The following ARHGEF4 variants were observed in gnomAD, a reference collection of about 807,000 sequenced individuals.
ARHGEF4 encodes the protein Rho guanine nucleotide exchange factor 4.
ARHGEF4 carries 119 observed loss-of-function variants against 162.0 expected under a neutral mutation model. The ratio of observed to expected loss-of-function variants is 0.73; its 90% confidence interval spans 0.63 to 0.86. The LOEUF (loss-of-function observed/expected upper bound fraction) is 0.86. ARHGEF4 is among the 40% of genes least tolerant of loss of function. ARHGEF4 has a pLI of 0.00. For synonymous variants in ARHGEF4, 1,014 were observed against 979.9 expected (o/e 1.03, Z -0.65); for missense variants, 2,488 against 2,456.0 (o/e 1.01, Z -0.28).
chr2:130,976,382 C>T (rs1685717510), intron 4 of ARHGEF4, among the ~76,000 whole-genome samples: 1 of 148,786 alleles, frequency 6.7e-6, no homozygotes, highest in South Asian at 2.1e-4. Context: ...CACATCTGTA[C>T]AACTAGTTTC....
chr2:130,846,146 C>T (rs1680948758), intron 1 of ARHGEF4, among the ~76,000 whole-genome samples: 1 of 152,248 alleles, frequency 6.6e-6, no homozygotes, highest in African/African-American at 2.4e-5. Context: ...AGAGCTCAAA[C>T]AAGCCCCTTG....
chr2:131,040,149 G>A lies in ARHGEF4; in HGVS notation c.4439G>A (p.Ser1480Asn). The A allele has an allele frequency of 6.2e-7, 1 of 1,613,386 alleles. No homozygotes were observed. Among genetic ancestry groups the A allele is most frequent in the Non-Finnish European group, 8.5e-7 (1 of 1,179,770 alleles). ...ACCAACGTCATCAACGAGATCCTCA[G>A]CACTGAGCGGGACTACATCAAGCAC... ...MRTNVINEIL[S>N]TERDYIKHLR... The change falls in exon 7 of 14, where the codon AGC (serine) becomes AAC (asparagine). Residue 1480 changes from serine (S) to asparagine (N), a missense_variant. By Grantham distance (46) the Ser-to-Asn change is conservative (BLOSUM62 1). Transcript: ENST00000409359.
intron 4 of ARHGEF4, among the ~76,000 whole-genome samples, chr2:130,991,613 G>C (rs1162346219): frequency 6.6e-6 from 1 of 152,230 alleles, no homozygotes; most frequent in East Asian, 1.9e-4. Context: ...AGGGTGTACT[G>C]GGTTCCCCAG....
chr2:130,848,925 C>G (rs575662582), intron 1 of ARHGEF4, among the ~76,000 whole-genome samples: 13 of 152,222 alleles, frequency 8.5e-5, no homozygotes, highest in Non-Finnish European at 1.8e-4. Flanking sequence ...ATGGGAGCTG[C>G]GCCTTGGAGA....
chr2:130,924,425 C>G (rs1465811297), intron 2 of ARHGEF4, among the ~76,000 whole-genome samples: 1 of 151,750 alleles, frequency 6.6e-6, no homozygotes, highest in Non-Finnish European at 1.5e-5. Flanking sequence ...CGCCACCACA[C>G]CCAGCTAATT....
chr2:131,016,372 A>G (rs1688777247), intron 4 of ARHGEF4, among the ~76,000 whole-genome samples: 7 of 152,198 alleles, frequency 4.6e-5, no homozygotes. Context: ...CATTTGAGTG[A>G]ATTCAGAAAG....
intron 1 of ARHGEF4, among the ~76,000 whole-genome samples, chr2:130,877,945 T>A (rs1678958907): frequency 6.6e-6 from 1 of 152,132 alleles, no homozygotes; most frequent in South Asian, 2.1e-4. Context: ...GTTGAATAAA[T>A]TAAGGGGTGC....
intron 1 of ARHGEF4, among the ~76,000 whole-genome samples, chr2:130,887,017 A>G (rs982582487): frequency 2.0e-5 from 3 of 152,028 alleles, no homozygotes; most frequent in African/African-American, 7.3e-5. Context: ...CCAATGTCAC[A>G]CTATCTTGAT....
intron 3 of ARHGEF4, among the ~76,000 whole-genome samples, chr2:130,932,741 T>C (rs1682707763): frequency 6.6e-6 from 1 of 152,236 alleles, no homozygotes; most frequent in Non-Finnish European, 1.5e-5. Context: ...TGTTTTTTTC[T>C]AAGAGTTTTA....
At chr2:130,853,257 G>C (rs566103808) in intron 1 of ARHGEF4, among the ~76,000 whole-genome samples, 2 of 152,296 alleles carry the variant, frequency 1.3e-5, no homozygotes, top group African/African-American at 4.8e-5. Context: ...CCTGATGGTA[G>C]AAAATTCAGA....
At chr2:130,846,636 T>TG (rs1680984041) in intron 1 of ARHGEF4, among the ~76,000 whole-genome samples, 1 of 152,022 alleles carries the variant, frequency 6.6e-6, no homozygotes, top group Admixed American at 6.5e-5. Flanking sequence ...GGACTTTGCT[T>TG]GGATGGATGC....
At position 130,860,627 on chromosome 2, in the gene ARHGEF4, G is replaced by A. The variant is rs1356081379; in HGVS notation, c.39+23635G>A. On this transcript the variant is annotated intron_variant, in intron 1 of 13. Coordinates refer to ENST00000409359, the MANE Select transcript of ARHGEF4 (RefSeq NM_001367493.1). ...CGGGAGGCCGAGGCAGAAGAATGGT[G>A]TGAACCCGGGAGGCGAAGCTTGCGG... Among the ~76,000 whole-genome samples the A allele has an allele frequency of 1.9e-4, 23 of 118,616 alleles. 2 individuals carry two copies. Among genetic ancestry groups the A allele is most frequent in the South Asian group, 1.4e-3 (5 of 3,546 alleles). 77.8% of individuals were successfully genotyped at this position (118,616 alleles called of 152,430 possible).
At chr2:130,937,730 C>A (rs543877589) in intron 3 of ARHGEF4, among the ~76,000 whole-genome samples, 1 of 149,252 alleles carries the variant, frequency 6.7e-6, no homozygotes, top group Admixed American at 6.7e-5. Flanking sequence ...TGCAGTGGTG[C>A]GATCTCGGCT....
chr2:130,864,206 A>AAG (rs1389261570), intron 1 of ARHGEF4, among the ~76,000 whole-genome samples: 6 of 149,668 alleles, frequency 4.0e-5, no homozygotes, highest in African/African-American at 1.3e-4. Flanking sequence ...AGAAAGAAAA[A>AAG]AAAAAAAAGG....
rs1681573046 is a variant in ARHGEF4, at chr2:130,917,478, A to G, written c.3532A>G (p.Arg1178Gly). ...CGGCTTGGGCACAGTGCCCTGGCTC[A>G]GGGACCTTCCTGGGAGTGAGGTGAG... is the stretch of plus-strand genomic sequence containing the variant. ...PRGLGTVPWL[R>G]DLPGSENHMP... The change falls in exon 2 of 14, where the codon AGG (arginine) becomes GGG (glycine). Residue 1178 changes from arginine (R) to glycine (G), a missense_variant. By Grantham distance (125) the Arg-to-Gly change is moderately radical (BLOSUM62 -2). This residue lies in a region of ARHGEF4 where 1,642 missense variants were observed against 1,481.5 expected (regional missense o/e 1.11). Coordinates refer to ENST00000409359, the MANE Select transcript of ARHGEF4 (RefSeq NM_001367493.1). 2 of 1,549,934 alleles carry G rather than the reference A, an allele frequency of 1.3e-6. No individual in the cohort carries two copies. The highest frequency in any genetic ancestry group is 1.7e-6 in the Non-Finnish European group (2 of 1,146,736).
chr2:130,868,503 C>T (rs1415057916), intron 1 of ARHGEF4, among the ~76,000 whole-genome samples: 2 of 151,950 alleles, frequency 1.3e-5, no homozygotes, highest in Admixed American at 6.6e-5. Flanking sequence ...AGACCAGCTG[C>T]GGTCTGAGGC....
intron 1 of ARHGEF4, among the ~76,000 whole-genome samples, chr2:130,849,272 T>C (rs1681222401): frequency 6.6e-6 from 1 of 152,202 alleles, no homozygotes; most frequent in South Asian, 2.1e-4. Context: ...TTTTGTTGGG[T>C]GCATATTGTC....
intron 4 of ARHGEF4, among the ~76,000 whole-genome samples, chr2:130,991,351 TGAG>T (rs1048039695): frequency 2.6e-5 from 4 of 152,238 alleles, no homozygotes; most frequent in East Asian, 1.9e-4. Context: ...TGGCGGCACT[TGAG>T]GAGGCCTTCA....
At position 131,040,315 on chromosome 2, in the gene ARHGEF4, C is replaced by T. The variant is rs773666383; in HGVS notation, c.4537C>T (p.Arg1513Cys). 136 of 1,612,868 alleles carry T rather than the reference C, an allele frequency of 8.4e-5. 2 individuals are homozygous for T. The South Asian group carries it at 1.4e-3, about 17-fold the overall frequency. ...AGACATGTTCAGCGAGGAGCAGCTG[C>T]GTACCATCTTCGGGAACATCGAGGA... is the stretch of plus-strand genomic sequence containing the variant. ...RADMFSEEQL[R>C]TIFGNIEDIY... Residue 1513 changes from arginine to cysteine, a missense_variant, in exon 8 of 14, where the codon CGT becomes TGT. Arg to Cys is a radical substitution (Grantham distance 180). Coordinates refer to ENST00000409359, the MANE Select transcript of ARHGEF4 (RefSeq NM_001367493.1).
Sources: allele counts gnomAD v4.1 joint callset (sites outside exome capture counted in the v4.1 genomes callset), GRCh38; gene constraint gnomAD v4.1.1; regional missense constraint gnomAD v4.1.1; transcripts MANE v1.5; gene names NCBI Gene and HGNC (gene_info 2026-07-23, HGNC 2026-07-21).